MKLN1: variants seen among roughly 807,000 people sequenced by gnomAD.
MKLN1 encodes the protein muskelin 1.
MKLN1 carries 18 observed loss-of-function variants against 99.0 expected under a neutral mutation model. The observed-to-expected ratio is 0.18, with a 90% CI of 0.13 to 0.27. The LOEUF (loss-of-function observed/expected upper bound fraction) is 0.27. Ranked by LOEUF, MKLN1 falls within the 10% of genes least tolerant of loss-of-function variation. The pLI is 1.00. For missense variants in MKLN1, 621 were observed against 875.9 expected (o/e 0.71, Z 3.67); for synonymous variants, 288 against 293.2 (o/e 0.98, Z 0.18).
chr7:131,256,416 T>C (rs1797658620), intron 3 of MKLN1, among the ~76,000 whole-genome samples: 1 of 152,238 alleles, frequency 6.6e-6, no homozygotes. Context: ...TACATAATTA[T>C]AAAAGACACT....
At chr7:131,235,089 T>A (rs1797299473) in intron 3 of MKLN1, among the ~76,000 whole-genome samples, 1 of 152,194 alleles carries the variant, frequency 6.6e-6, no homozygotes, top group African/African-American at 2.4e-5. Context: ...ATATTTTTTT[T>A]ATTCCAGGCA....
At chr7:131,460,256 CTGT>C (rs1428769428) in intron 12 of MKLN1, among the ~76,000 whole-genome samples, 5 of 152,258 alleles carry the variant, frequency 3.3e-5, no homozygotes, top group African/African-American at 1.2e-4. Flanking sequence ...CTCTTTTACA[CTGT>C]TAATTTTTTT....
rs966513787 is a variant in MKLN1, at chr7:131,373,691, A to G, written c.99-1733A>G. On this transcript the variant is annotated intron_variant, in intron 1 of 17. Transcript: ENST00000352689. ...AAGTTGCAAAGATGGCATAGTTACT[A>G]TATATGTTCTTTACGCAGTTTTCCC... Among the ~76,000 whole-genome samples the G allele has an allele frequency of 4.6e-5, 7 of 152,200 alleles. No homozygotes were observed. The East Asian group carries it at 1.3e-3, about 29-fold the overall frequency.
intron 3 of MKLN1, among the ~76,000 whole-genome samples, chr7:131,281,408 A>G (rs139820660): frequency 2.0e-5 from 3 of 152,242 alleles, no homozygotes; most frequent in East Asian, 1.9e-4. Flanking sequence ...GTGTATCCTT[A>G]TGCCTTATGT....
At chr7:131,217,283 A>G (rs1796996637) in intron 3 of MKLN1, among the ~76,000 whole-genome samples, 1 of 152,248 alleles carries the variant, frequency 6.6e-6, no homozygotes, top group Non-Finnish European at 1.5e-5. Context: ...ACAAATATGT[A>G]TTGAGTTCCT....
In MKLN1 at chr7:131,250,544, G is replaced by A. The variant is rs143306852; in HGVS notation, c.-179+47570G>A. ...CTGTTTCCATGGAGATGTGGTGTAC[G>A]CAGGAGGGAGTGAGTAGGAGGGCTG... On this transcript the variant is annotated intron_variant, in intron 3 of 7. Coordinates refer to the MKLN1 transcript ENST00000416992. Among the ~76,000 whole-genome samples, 498 of 152,268 alleles carry A rather than the reference G, an allele frequency of 3.3e-3. 1 individual carries two copies. The highest frequency in any genetic ancestry group is 9.8e-3 in the African/African-American group (408 of 41,556).
At chr7:131,360,379 T>C (rs1331771081) in intron 1 of MKLN1, among the ~76,000 whole-genome samples, 1 of 152,216 alleles carries the variant, frequency 6.6e-6, no homozygotes, top group African/African-American at 2.4e-5. Context: ...TCTTCCCCTT[T>C]TTCCATCTTC....
At chr7:131,280,416 A>G (rs1197330849) in intron 3 of MKLN1, among the ~76,000 whole-genome samples, 1 of 152,182 alleles carries the variant, frequency 6.6e-6, no homozygotes, top group African/African-American at 2.4e-5. Context: ...ACCATTTCAC[A>G]TGCTCACAAG....
At chr7:131,468,979 A>G (rs939361186) in intron 15 of MKLN1, among the ~76,000 whole-genome samples, 5 of 152,188 alleles carry the variant, frequency 3.3e-5, no homozygotes, top group African/African-American at 4.8e-5. Flanking sequence ...TGAACGGTGA[A>G]ACTGGATGGA....
At chr7:131,330,327 G>T (rs1296885381) in intron 1 of MKLN1, among the ~76,000 whole-genome samples, 1 of 152,170 alleles carries the variant, frequency 6.6e-6, no homozygotes, top group Non-Finnish European at 1.5e-5. Context: ...GCAAATATTT[G>T]TTGGCATAGA....
chr7:131,158,621 C>A (rs1417719361), intron 2 of MKLN1, among the ~76,000 whole-genome samples: 1 of 152,158 alleles, frequency 6.6e-6, no homozygotes, highest in Non-Finnish European at 1.5e-5. Context: ...TGCCTAAAGT[C>A]TTACTGTTTA....
chr7:131,207,018 A>G (rs6954516), intron 3 of MKLN1, among the ~76,000 whole-genome samples: 70,546 of 151,856 alleles, frequency 0.46, 17,118 homozygotes, highest in South Asian at 0.62. Context: ...TGTGTATGGT[A>G]GAGGAGATGG....
chr7:131,382,119 C>A (rs1793868218), intron 2 of MKLN1, among the ~76,000 whole-genome samples: 1 of 152,130 alleles, frequency 6.6e-6, no homozygotes, highest in Non-Finnish European at 1.5e-5. Context: ...AATCCCAGCA[C>A]TTTGGGAGGT....
intron 6 of MKLN1, among the ~76,000 whole-genome samples, chr7:131,399,827 G>T (rs984749613): frequency 1.3e-5 from 2 of 152,132 alleles, no homozygotes; most frequent in African/African-American, 4.8e-5. Flanking sequence ...TATATATAAG[G>T]AACAAGGAGA....
At chr7:131,426,205 A>G (rs1323459150) in intron 8 of MKLN1, among the ~76,000 whole-genome samples, 1 of 152,244 alleles carries the variant, frequency 6.6e-6, no homozygotes, top group African/African-American at 2.4e-5. Context: ...ATGCGTACAA[A>G]GAGACCTGCT....
At chr7:131,331,031 AT>A (rs1453940244) in intron 1 of MKLN1, among the ~76,000 whole-genome samples, 2 of 152,224 alleles carry the variant, frequency 1.3e-5, no homozygotes, top group Non-Finnish European at 2.9e-5. Context: ...ATACATAAAA[AT>A]ATTTTGTAAA....
At chr7:131,365,647 C>T (rs952908437) in intron 1 of MKLN1, among the ~76,000 whole-genome samples, 3 of 152,040 alleles carry the variant, frequency 2.0e-5, no homozygotes. Flanking sequence ...AGTCCAGCCT[C>T]GATCTTTTGC....
rs113746418 is a variant in MKLN1, at chr7:131,282,280, C to T, written c.-179+79306C>T. Among the ~76,000 whole-genome samples, 47 of 138,550 alleles carry T rather than the reference C, an allele frequency of 3.4e-4. No individual in the cohort carries two copies. In the East Asian group the frequency reaches 7.8e-3, roughly 23 times the overall value. The allele number at this position is 138,550 out of a possible 152,430, so 90.9% of individuals were successfully genotyped here. A position where few individuals can be genotyped will look rare whatever the true frequency, so the allele number is the denominator to read the frequency against. ...AGGAGAATCGCTTGAACCCGGGAGGCGGAGGTTGTGGTGAGCCGAGATAGT... is the reference window on the plus strand; with the variant it reads ...AGGAGAATCGCTTGAACCCGGGAGGTGGAGGTTGTGGTGAGCCGAGATAGT... On this transcript the variant is annotated intron_variant, in intron 3 of 7. Transcript: ENST00000416992.
Position 131,353,673 on chromosome 7 carries a change from A to G in MKLN1, c.99-21751A>G, listed in dbSNP as rs370048625. On this transcript the variant is annotated intron_variant, in intron 1 of 17. Transcript: ENST00000352689. ...TCCTTTTATACATTTTGCTTTTTGT[A>G]TAAGATCTCCTTGCCTAGTCCTAGA... Among the ~76,000 whole-genome samples, 18 of 152,102 alleles carry G rather than the reference A, an allele frequency of 1.2e-4. No individual in the cohort carries two copies. In the East Asian group the frequency reaches 2.1e-3, roughly 18 times the overall value.
Sources: gnomAD v4.1 joint callset for allele counts (sites outside exome capture counted in the v4.1 genomes callset) on GRCh38, gnomAD v4.1.1 for gene constraint, MANE v1.5 for transcripts, NCBI Gene and HGNC (gene_info 2026-07-23, HGNC 2026-07-21) for gene names.